Variants in C1D observed in about 807,000 individuals in gnomAD.
C1D encodes C1D nuclear receptor corepressor, also known as nuclear nucleic acid-binding protein C1D.
A neutral mutation model predicts 17.5 loss-of-function variants in C1D; 10 were observed. That is an observed-to-expected ratio of 0.57 (90% confidence interval 0.35 to 0.97). C1D has a LOEUF of 0.97. Among genes scored for constraint, C1D ranks in the 50% least tolerant of loss-of-function variants. The probability of loss-of-function intolerance (pLI) is 0.01; values close to 1 mark genes in which losing one functional copy is unlikely to be tolerated. For missense variants in C1D, 136 were observed against 160.1 expected (o/e 0.85, Z 0.81); for synonymous variants, 49 against 54.0 (o/e 0.91, Z 0.40).
At chr2:68,054,627 A>G (rs10203061) in intron 1 of C1D, among the ~76,000 whole-genome samples, 38,954 of 151,922 alleles carry the variant, frequency 0.26, 6,446 homozygotes, top group African/African-American at 0.47. Flanking sequence ...ATGTTTGACT[A>G]AATATCTGGG....
intron 1 of C1D, among the ~76,000 whole-genome samples, chr2:68,048,916 G>A (rs1671206714): frequency 6.6e-6 from 1 of 152,176 alleles, no homozygotes; most frequent in Non-Finnish European, 1.5e-5. Context: ...AGCAAATTGG[G>A]CTGGACACGG....
At chr2:68,056,434 C>A (rs549893654) in intron 1 of C1D, among the ~76,000 whole-genome samples, 5 of 152,174 alleles carry the variant, frequency 3.3e-5, no homozygotes, top group African/African-American at 1.2e-4. Context: ...ATCCTAATTT[C>A]TTGTATTTTT....
chr2:68,055,896 G>A lies in C1D; in HGVS notation c.-10+7062C>T, dbSNP rs533953762. ...AAACTAGCTTTTAGAATACAACTCC[G>A]TTCATATATAGGAGAATAACTAAAG... is the stretch of plus-strand genomic sequence containing the variant. On this transcript the variant is annotated intron_variant, in intron 1 of 4. Transcript: ENST00000410067. Among the ~76,000 whole-genome samples, 119 of 152,216 alleles carry A rather than the reference G, an allele frequency of 7.8e-4. 1 individual carries two copies. The highest frequency in any genetic ancestry group is 3.4e-3 in the Middle Eastern group (1 of 294).
At chr2:68,060,268 G>A (rs1430617400) in intron 1 of C1D, among the ~76,000 whole-genome samples, 1 of 152,090 alleles carries the variant, frequency 6.6e-6, no homozygotes, top group East Asian at 1.9e-4. Flanking sequence ...CAACACCTCC[G>A]TGATTAGTCT....
In C1D at chr2:68,043,055, TTAAAGA is replaced by T. The variant is rs1671015736; in HGVS notation, c.262-8_262-3del. The stretch of plus-strand genomic sequence containing the variant: ...GTTCATATATACTCTGATTCTTTCC[TTAAAGA>T]TAAAAAACAAAGGCAATAGATTTAC... On this transcript the variant is annotated splice_region_variant and splice_polypyrimidine_tract_variant and intron_variant, in intron 4 of 4. Coordinates refer to ENST00000410067, the MANE Select transcript of C1D (RefSeq NM_173177.3). 6.3e-7 allele frequency: 1 copy of T among 1,579,134 alleles called. No individual in the cohort carries two copies. The highest frequency in any genetic ancestry group is 1.4e-5 in the African/African-American group (1 of 72,772).
intron 1 of C1D, among the ~76,000 whole-genome samples, chr2:68,060,774 T>A (rs1024219014): frequency 2.0e-5 from 3 of 152,158 alleles, no homozygotes; most frequent in Non-Finnish European, 4.4e-5. Context: ...ATCATGTCAC[T>A]CCTCTCCTCC....
chr2:68,052,560 C>T (rs574299534), intron 1 of C1D, among the ~76,000 whole-genome samples: 11 of 152,068 alleles, frequency 7.2e-5, no homozygotes, highest in South Asian at 6.2e-4. Flanking sequence ...GCAATTATTC[C>T]CTGTCCCTAA....
rs139572644 is a variant in C1D at position 68,044,419 on chromosome 2, C to A, written c.262-1366G>T. On this transcript the variant is annotated intron_variant, in intron 4 of 4. Coordinates refer to ENST00000410067, the MANE Select transcript of C1D (RefSeq NM_173177.3). ...TAAGTCTGTGATCAATTAGTAACATCTACGCAAGGTCAGAAAAGGGGAACA... is the reference window on the plus strand; with the variant it reads ...TAAGTCTGTGATCAATTAGTAACATATACGCAAGGTCAGAAAAGGGGAACA... Among the ~76,000 whole-genome samples the A allele has an allele frequency of 8.7e-3, 1,332 of 152,320 alleles. 12 individuals are homozygous for A. Among genetic ancestry groups the A allele is most frequent in the African/African-American group, 0.031 (1,270 of 41,554 alleles).
chr2:68,058,269 C>T (rs1671497393), intron 1 of C1D, among the ~76,000 whole-genome samples: 1 of 152,238 alleles, frequency 6.6e-6, no homozygotes, highest in African/African-American at 2.4e-5. Flanking sequence ...TGAGCAAAAA[C>T]TTGCCTGCTC....
chr2:68,047,665 G>A (rs1373175704), intron 1 of C1D, among the ~76,000 whole-genome samples: 1 of 152,090 alleles, frequency 6.6e-6, no homozygotes, highest in East Asian at 1.9e-4. Flanking sequence ...GGGCCCAAGC[G>A]ATCCTCCCAC....
At chr2:68,060,430 T>A (rs1671588748) in intron 1 of C1D, among the ~76,000 whole-genome samples, 1 of 152,130 alleles carries the variant, frequency 6.6e-6, no homozygotes, top group South Asian at 2.1e-4. Context: ...TCACCTGAGG[T>A]CAGGGGTTCG....
intron 1 of C1D, among the ~76,000 whole-genome samples, chr2:68,053,882 T>TA (rs1005451259): frequency 1.3e-5 from 2 of 152,136 alleles, no homozygotes; most frequent in Admixed American, 6.6e-5. Flanking sequence ...TCTTTGGAGG[T>TA]AAAAAATAGG....
intron 1 of C1D, among the ~76,000 whole-genome samples, chr2:68,060,685 G>C (rs1402315957): frequency 6.6e-6 from 1 of 151,984 alleles, no homozygotes; most frequent in African/African-American, 2.4e-5. Flanking sequence ...GGCAAGGGCA[G>C]AGCAGGGCAG....
chr2:68,047,231 G>A lies in C1D; in HGVS notation c.80C>T (p.Ala27Val). Residue 27 changes from alanine to valine, a missense_variant, in exon 2 of 5, where the codon GCT becomes GTT. Coordinates refer to ENST00000410067, the MANE Select transcript of C1D (RefSeq NM_173177.3). ...CATGGTCTTCAGCATCTCATCCACA[G>A]CACCAATGGAATTCTCAAACGCTGA... Reference protein sequence around the residue: ...YLSAFENSIGAVDEMLKTMMS... With the variant: ...YLSAFENSIGVVDEMLKTMMS... 1.2e-6 allele frequency: 2 copies of A among 1,612,064 alleles called. No homozygotes were observed. The highest frequency in any genetic ancestry group is 1.7e-6 in the Non-Finnish European group (2 of 1,179,210).
intron 1 of C1D, among the ~76,000 whole-genome samples, chr2:68,060,701 GAAACAAAAGA>G (rs542649302): frequency 1.8e-3 from 272 of 151,938 alleles, no homozygotes; most frequent in African/African-American, 6.4e-3. Flanking sequence ...GGCAGGAAAG[GAAACAAAAGA>G]AAACAAAAGA....
At chr2:68,054,550 CCCTT>C (rs1671382368) in intron 1 of C1D, among the ~76,000 whole-genome samples, 1 of 152,258 alleles carries the variant, frequency 6.6e-6, no homozygotes, top group African/African-American at 2.4e-5. Context: ...AGAATAATCT[CCCTT>C]ACTTAATTGA....
intron 1 of C1D, among the ~76,000 whole-genome samples, chr2:68,060,559 T>G (rs530227174): frequency 7.3e-5 from 11 of 151,644 alleles, no homozygotes; most frequent in Admixed American, 6.6e-4. Flanking sequence ...AGGAGAATCG[T>G]TGGAACCCAG....
chr2:68,042,662 T>C lies in C1D; in HGVS notation c.*227A>G, dbSNP rs1670992831. The C allele has an allele frequency of 7.0e-6, 2 of 286,454 alleles. No individual in the cohort carries two copies. The highest frequency in any genetic ancestry group is 6.8e-6 in the Non-Finnish European group (1 of 147,272). The allele number at this position is 286,454 out of a possible 1,614,324, so 17.7% of individuals were successfully genotyped here. A position where few individuals can be genotyped will look rare whatever the true frequency, so the allele number is the denominator to read the frequency against. ...AAGAAATAAGAGTCTCATCAAGAGATGGTAAATTATAAATATATAATATAT... is the reference window on the plus strand; with the variant it reads ...AAGAAATAAGAGTCTCATCAAGAGACGGTAAATTATAAATATATAATATAT... On this transcript the variant is annotated 3_prime_UTR_variant, in exon 5 of 5. Coordinates refer to ENST00000410067, the MANE Select transcript of C1D (RefSeq NM_173177.3).
chr2:68,052,942 A>C, intron 1 of C1D: 1 of 1,352,644 alleles, frequency 7.4e-7, no homozygotes, highest in African/African-American at 1.5e-5. Context: ...CACTACTCTA[A>C]GCATTCCACA....
Sources: gnomAD v4.1 joint callset for allele counts (sites outside exome capture counted in the v4.1 genomes callset) on GRCh38, gnomAD v4.1.1 for gene constraint, MANE v1.5 for transcripts, NCBI Gene and HGNC (gene_info 2026-07-23, HGNC 2026-07-21) for gene names.